Variants in CD48 observed in about 807,000 individuals in gnomAD.
The protein encoded by CD48 is CD48 antigen.
Under a neutral mutation model 22.0 loss-of-function variants are expected in CD48, and 20 were observed. That is an observed-to-expected ratio of 0.91 (90% CI 0.64 to 1.32). The LOEUF (loss-of-function observed/expected upper bound fraction) is 1.32. CD48 is among the 40% of genes most tolerant of loss of function. The pLI is 0.00. For synonymous variants in CD48, 110 were observed against 110.1 expected (o/e 1.00, Z 0.01); for missense variants, 307 against 286.5 (o/e 1.07, Z -0.52).
chr1:160,704,438 G>T (rs1039216510), intron 1 of CD48, among the ~76,000 whole-genome samples: 16 of 152,180 alleles, frequency 1.1e-4, no homozygotes, highest in Admixed American at 9.8e-4. Flanking sequence ...TGTGTGTGAA[G>T]TTCCCGCTAC....
At chr1:160,685,577 T>C (rs1661968700) in intron 1 of CD48, among the ~76,000 whole-genome samples, 1 of 152,226 alleles carries the variant, frequency 6.6e-6, no homozygotes, top group Admixed American at 6.5e-5. Flanking sequence ...AGTAAGCATG[T>C]TGTTAGTCCC....
At chr1:160,708,484 T>TTA (rs1662856647) in intron 1 of CD48, among the ~76,000 whole-genome samples, 1 of 152,146 alleles carries the variant, frequency 6.6e-6, no homozygotes. Context: ...AAATTGGTGA[T>TTA]AAGAGAAAAT....
chr1:160,692,961 C>A (rs1425254995), intron 1 of CD48, among the ~76,000 whole-genome samples: 1 of 152,136 alleles, frequency 6.6e-6, no homozygotes, highest in Non-Finnish European at 1.5e-5. Flanking sequence ...TCATCTCTCT[C>A]ACCCTCTCAA....
Sources: gnomAD v4.1 joint callset for allele counts (sites outside exome capture counted in the v4.1 genomes callset) on GRCh38, gnomAD v4.1.1 for gene constraint, MANE v1.5 for transcripts, NCBI Gene and HGNC (gene_info 2026-07-23, HGNC 2026-07-21) for gene names.